The following HPSE2 variants were observed in gnomAD, a reference collection of about 807,000 sequenced individuals.
HPSE2 encodes heparanase 2 (inactive), also known as inactive heparanase-2.
A neutral mutation model predicts 60.5 loss-of-function variants in HPSE2; 38 were observed. The observed-to-expected ratio is 0.63, with a 90% CI of 0.48 to 0.82. The LOEUF (loss-of-function observed/expected upper bound fraction) is 0.82. Among genes scored for constraint, HPSE2 ranks in the 40% least tolerant of loss-of-function variants. HPSE2 has a pLI of 0.00. For synonymous variants in HPSE2, 295 were observed against 293.2 expected, an observed-to-expected ratio of 1.01 and a Z score of -0.06; for missense variants, 713 against 740.4, an observed-to-expected ratio of 0.96 and a Z score of 0.43.
chr10:98,597,558 C>T (rs1164950276), intron 9 of HPSE2, among the ~76,000 whole-genome samples: 9 of 151,538 alleles, frequency 5.9e-5, no homozygotes, highest in South Asian at 4.2e-4. Context: ...GTAGTCCCAG[C>T]TACTTGGGAG....
At chr10:99,149,293 A>G (rs1846172724) in intron 2 of HPSE2, among the ~76,000 whole-genome samples, 1 of 152,188 alleles carries the variant, frequency 6.6e-6, no homozygotes, top group Admixed American at 6.5e-5. Context: ...ATTCAAGCAG[A>G]GAATGGGTGA....
chr10:98,549,857 T>A (rs1267903470), intron 9 of HPSE2, among the ~76,000 whole-genome samples: 11 of 152,182 alleles, frequency 7.2e-5, no homozygotes, highest in Admixed American at 2.6e-4. Context: ...TTTCTCAAGT[T>A]GTCCTCAGTC....
intron 3 of HPSE2, among the ~76,000 whole-genome samples, chr10:98,823,800 CT>C (rs1245277676): frequency 1.3e-5 from 2 of 151,988 alleles, no homozygotes; most frequent in Non-Finnish European, 2.9e-5. Context: ...TTTAACATAC[CT>C]CTAACAATAA....
At chr10:99,099,065 G>A (rs1011437982) in intron 3 of HPSE2, among the ~76,000 whole-genome samples, 4 of 152,204 alleles carry the variant, frequency 2.6e-5, no homozygotes, top group Non-Finnish European at 5.9e-5. Context: ...CCCAGCGTGA[G>A]TGATGCAGAA....
intron 3 of HPSE2, among the ~76,000 whole-genome samples, chr10:99,022,069 C>G (rs1363493000): frequency 7.9e-6 from 1 of 126,710 alleles, no homozygotes; most frequent in East Asian, 2.4e-4. Context: ...CTGGTTTTAA[C>G]TTAATATCAC....
chr10:99,270,083 C>T, the HPSE2 span, among the ~76,000 whole-genome samples: 2 of 151,904 alleles, frequency 1.3e-5, no homozygotes, highest in South Asian at 2.1e-4. Context: ...AGTAAAGAAA[C>T]AAGAATAAAC....
rs533580117 is a variant in HPSE2, at chr10:98,990,771, G to T, written c.610+153467C>A. Among the ~76,000 whole-genome samples, 55 of 152,294 alleles carry T rather than the reference G, an allele frequency of 3.6e-4. 1 individual carries two copies. Among genetic ancestry groups the T allele is most frequent in the East Asian group, 1.2e-3 (6 of 5,194 alleles). On this transcript the variant is annotated intron_variant, in intron 3 of 11. Transcript: ENST00000370552. The stretch of plus-strand genomic sequence containing the variant: ...TAGCAACAGGGACATTGGAGACATT[G>T]TTAGCTTCTATGGGATGTGCCTAAT...
chr10:98,780,456 A>G (rs1950439914), intron 3 of HPSE2, among the ~76,000 whole-genome samples: 1 of 152,176 alleles, frequency 6.6e-6, no homozygotes, highest in Non-Finnish European at 1.5e-5. Flanking sequence ...TGGGAAAATC[A>G]CAGATGCATA....
intron 2 of HPSE2, among the ~76,000 whole-genome samples, chr10:99,216,445 T>G (rs890271378): frequency 2.5e-4 from 38 of 151,196 alleles, no homozygotes; most frequent in African/African-American, 8.8e-4. Context: ...TCCGCCCGCC[T>G]CGGCCTCCCA....
At chr10:98,722,657 TC>T (rs1400704774) in intron 4 of HPSE2, among the ~76,000 whole-genome samples, 2 of 152,168 alleles carry the variant, frequency 1.3e-5, no homozygotes, top group Non-Finnish European at 2.9e-5. Context: ...CAAAGCCTCC[TC>T]TTTCAGCTTC....
At chr10:98,745,334 T>G (rs1013039069) in intron 3 of HPSE2, among the ~76,000 whole-genome samples, 11 of 152,370 alleles carry the variant, frequency 7.2e-5, no homozygotes, top group African/African-American at 2.6e-4. Context: ...TTTTTCTGGC[T>G]GTCATTTACA....
chr10:99,166,838 C>T (rs1228650708), intron 2 of HPSE2, among the ~76,000 whole-genome samples: 1 of 149,786 alleles, frequency 6.7e-6, no homozygotes, highest in East Asian at 2.0e-4. Flanking sequence ...CAGAGTGAGA[C>T]TCCATCTCAA....
chr10:99,086,445 C>A (rs377108268), intron 3 of HPSE2, among the ~76,000 whole-genome samples: 1 of 144,302 alleles, frequency 6.9e-6, no homozygotes, highest in East Asian at 2.1e-4. Context: ...CTCCGCCTCC[C>A]GGGTTCACGC....
chr10:98,587,911 A>G (rs1322432311), intron 9 of HPSE2, among the ~76,000 whole-genome samples: 4 of 152,372 alleles, frequency 2.6e-5, no homozygotes, highest in Admixed American at 2.6e-4. Flanking sequence ...CACTGAAACA[A>G]AAGAATACAT....
At chr10:98,554,000 G>A (rs2133858518) in intron 9 of HPSE2, among the ~76,000 whole-genome samples, 1 of 152,222 alleles carries the variant, frequency 6.6e-6, no homozygotes, top group East Asian at 1.9e-4. Context: ...GGATCCAAGG[G>A]TACTTTGAGT....
chr10:98,481,579 T>A (rs1941236121), intron 11 of HPSE2, among the ~76,000 whole-genome samples: 1 of 152,214 alleles, frequency 6.6e-6, no homozygotes, highest in Admixed American at 6.5e-5. Context: ...AGCCAGCATG[T>A]GAACCGAGAC....
chr10:99,252,846 C>T, the HPSE2 span, among the ~76,000 whole-genome samples: 1,380 of 147,170 alleles, frequency 9.4e-3, 13 homozygotes, highest in Admixed American at 0.034. Context: ...CACTGTACTC[C>T]AGCCTGGGCG....
intron 3 of HPSE2, among the ~76,000 whole-genome samples, chr10:99,035,022 G>C (rs1438818944): frequency 6.6e-6 from 1 of 152,118 alleles, no homozygotes; most frequent in Non-Finnish European, 1.5e-5. Context: ...TGAAGAGCTA[G>C]GACATTATTG....
chr10:98,795,019 AGAAGGAAGGAAG>A (rs562332918), intron 3 of HPSE2, among the ~76,000 whole-genome samples: 167 of 56,150 alleles, frequency 3.0e-3, no homozygotes, highest in Admixed American at 4.5e-3. Context: ...AGAGAGAGAG[AGAAGGAAGGAAG>A]GAAGGAAGGA....
Sources: allele counts gnomAD v4.1 joint callset (sites outside exome capture counted in the v4.1 genomes callset), GRCh38; gene constraint gnomAD v4.1.1; transcripts MANE v1.5; gene names NCBI Gene and HGNC (gene_info 2026-07-23, HGNC 2026-07-21).